The following HMG20A variants were observed in gnomAD, a reference collection of about 807,000 sequenced individuals.
The protein encoded by HMG20A is high mobility group 20A, also known as high mobility group protein 20A.
A neutral mutation model predicts 43.9 loss-of-function variants in HMG20A; 17 were observed. That is an observed-to-expected ratio of 0.39 (90% CI 0.27 to 0.58). The LOEUF (loss-of-function observed/expected upper bound fraction) is 0.58. Among genes scored for constraint, HMG20A ranks in the 20% least tolerant of loss-of-function variants. HMG20A has a pLI of 0.59. For synonymous variants in HMG20A, 132 were observed against 147.5 expected (o/e 0.89, Z 0.76); for missense variants, 341 against 438.2 (o/e 0.78, Z 1.98).
At chr15:77,513,215 C>T in the HMG20A span, among the ~76,000 whole-genome samples, 1 of 152,156 alleles carries the variant, frequency 6.6e-6, no homozygotes, top group South Asian at 2.1e-4. Flanking sequence ...AAGAGAGCAT[C>T]CTACCTTCAC....
At chr15:77,427,976 G>T (rs2073443362) in intron 1 of HMG20A, among the ~76,000 whole-genome samples, 1 of 152,204 alleles carries the variant, frequency 6.6e-6, no homozygotes, top group African/African-American at 2.4e-5. Flanking sequence ...TAAGGCCAGT[G>T]TTTATTCTCA....
the HMG20A span, among the ~76,000 whole-genome samples, chr15:77,496,316 A>G: frequency 6.6e-6 from 1 of 152,188 alleles, no homozygotes; most frequent in East Asian, 1.9e-4. Flanking sequence ...GGCCAAGGGA[A>G]GTACCGATTG....
intron 1 of HMG20A, among the ~76,000 whole-genome samples, chr15:77,447,056 C>G (rs1480910998): frequency 2.0e-5 from 3 of 152,120 alleles, no homozygotes; most frequent in Admixed American, 1.3e-4. Flanking sequence ...ACCCATGTCC[C>G]AGGAAATAGG....
At chr15:77,494,999 C>T in the HMG20A span, among the ~76,000 whole-genome samples, 16 of 152,084 alleles carry the variant, frequency 1.1e-4, no homozygotes, top group East Asian at 1.9e-4. Flanking sequence ...ACAAGTGCTA[C>T]GGTTGAAAGT....
intron 9 of HMG20A, among the ~76,000 whole-genome samples, chr15:77,480,647 T>C (rs1347549081): frequency 2.0e-5 from 3 of 148,010 alleles, no homozygotes; most frequent in Non-Finnish European, 4.5e-5. Context: ...TATAAAATTC[T>C]CAATAAGCAA....
At chr15:77,474,559 C>T (rs2072838235) in intron 6 of HMG20A, among the ~76,000 whole-genome samples, 2 of 152,194 alleles carry the variant, frequency 1.3e-5, no homozygotes, top group Admixed American at 6.5e-5. Flanking sequence ...TAAAAATGGG[C>T]CTCGTTGCCC....
intron 1 of HMG20A, among the ~76,000 whole-genome samples, chr15:77,429,940 A>G (rs537912610): frequency 1.9e-4 from 29 of 152,170 alleles, no homozygotes; most frequent in Non-Finnish European, 3.2e-4. Flanking sequence ...TTTACTGACC[A>G]CTTACTTGTG....
rs566496934 is a variant in HMG20A at position 77,420,923 on chromosome 15, T to C, written c.-86T>C. ...CGACGAGTGCGTGAAGTGAAGGCGA[T>C]TGAGAGGGGCTGAGGGAATTGTCCT... is the stretch of plus-strand genomic sequence containing the variant. On this transcript the variant is annotated 5_prime_UTR_variant, in exon 1 of 10. Transcript: ENST00000336216. 1.8e-5 allele frequency: 7 copies of C among 398,728 alleles called. No homozygotes were observed. The highest frequency in any genetic ancestry group is 1.3e-4 in the South Asian group (1 of 7,858). The allele number at this position is 398,728 out of a possible 1,614,324, so 24.7% of individuals were successfully genotyped here.
At chr15:77,477,464 CT>C in intron 6 of HMG20A, 90 bp from the exon 7 acceptor site, 1 of 912,218 alleles carries the variant, frequency 1.1e-6, no homozygotes, top group East Asian at 2.6e-5. Flanking sequence ...CCTATTCTTT[CT>C]TTAAAGAAGA....
At chr15:77,490,181 A>G (rs1279384460), downstream of HMG20A, among the ~76,000 whole-genome samples, 1 of 152,134 alleles carries the variant, frequency 6.6e-6, no homozygotes, top group Admixed American at 6.5e-5. Context: ...CCAGCTACTC[A>G]GGAGTCTGAG....
At chr15:77,436,465 T>G (rs111234330) in intron 1 of HMG20A, among the ~76,000 whole-genome samples, 1 of 151,900 alleles carries the variant, frequency 6.6e-6, no homozygotes, top group Non-Finnish European at 1.5e-5. Flanking sequence ...TTTTTTTTTT[T>G]CCCTCCCCCA....
the HMG20A span, among the ~76,000 whole-genome samples, chr15:77,506,901 G>A: frequency 2.6e-5 from 4 of 152,368 alleles, no homozygotes; most frequent in Non-Finnish European, 4.4e-5. Context: ...CACTGCAGAG[G>A]CAAAGGCCTG....
chr15:77,497,446 C>A, the HMG20A span, among the ~76,000 whole-genome samples: 1 of 152,234 alleles, frequency 6.6e-6, no homozygotes, highest in Non-Finnish European at 1.5e-5. Context: ...AAGCTTCCAG[C>A]CGAGTGGAAG....
chr15:77,432,169 T>G (rs2073491874), intron 1 of HMG20A, among the ~76,000 whole-genome samples: 1 of 152,170 alleles, frequency 6.6e-6, no homozygotes, highest in Non-Finnish European at 1.5e-5. Flanking sequence ...TTTAAGTTCC[T>G]TAAAGAAAAT....
rs1188773989 is a variant in HMG20A at position 77,483,913 on chromosome 15, A to T, written c.*950A>T. 1 of 152,234 alleles carries T rather than the reference A, an allele frequency of 6.6e-6. No homozygotes were observed. The highest frequency in any genetic ancestry group is 1.5e-5 in the Non-Finnish European group (1 of 68,046). 9.4% of individuals were successfully genotyped at this position (152,234 alleles called of 1,614,324 possible). On this transcript the variant is annotated 3_prime_UTR_variant, in exon 10 of 10. Coordinates refer to ENST00000336216, the MANE Select transcript of HMG20A (RefSeq NM_001304504.2). Reference sequence around the variant, plus strand: ...CTTCTTTAGGAGTAATGATTCATAGATCTAGATAGGTGGAAATATCATTCA... The same window carrying T: ...CTTCTTTAGGAGTAATGATTCATAGTTCTAGATAGGTGGAAATATCATTCA...
chr15:77,428,769 G>A (rs564615573), intron 1 of HMG20A, among the ~76,000 whole-genome samples: 141 of 152,164 alleles, frequency 9.3e-4, no homozygotes, highest in African/African-American at 3.3e-3. Flanking sequence ...GTTTGGGACC[G>A]GCTTGGGTAA....
At chr15:77,474,125 C>T (rs902769426) in intron 6 of HMG20A, among the ~76,000 whole-genome samples, 2 of 151,948 alleles carry the variant, frequency 1.3e-5, no homozygotes, top group East Asian at 1.9e-4. Flanking sequence ...GAAAAGCAGC[C>T]GCAGAAGGAG....
intron 1 of HMG20A, among the ~76,000 whole-genome samples, chr15:77,433,005 A>G (rs1595912123): frequency 6.6e-6 from 1 of 152,188 alleles, no homozygotes; most frequent in South Asian, 2.1e-4. Context: ...AAATTGGCAT[A>G]TAAAAAATTG....
chr15:77,492,112 C>T, the HMG20A span, among the ~76,000 whole-genome samples: 2 of 152,288 alleles, frequency 1.3e-5, no homozygotes, highest in Admixed American at 1.3e-4. Flanking sequence ...AATAAAATTA[C>T]AAAGGAAATC....
Sources: allele counts gnomAD v4.1 joint callset (sites outside exome capture counted in the v4.1 genomes callset), GRCh38; gene constraint gnomAD v4.1.1; transcripts MANE v1.5; gene names NCBI Gene and HGNC (gene_info 2026-07-23, HGNC 2026-07-21).